Variants in PRKCE observed in about 807,000 individuals in gnomAD.
The protein encoded by PRKCE is protein kinase C epsilon.
Under a neutral mutation model 85.4 loss-of-function variants are expected in PRKCE, and 16 were observed. That is an observed-to-expected ratio of 0.19 (90% CI 0.13 to 0.28). The LOEUF (loss-of-function observed/expected upper bound fraction) is 0.28, where lower values mean the gene tolerates loss of function less well. Ranked by LOEUF, PRKCE falls within the 10% of genes least tolerant of loss-of-function variation. The pLI is 1.00. For synonymous variants in PRKCE, 388 were observed against 371.5 expected, an observed-to-expected ratio of 1.04 and a Z score of -0.51; for missense variants, 573 against 975.2, an observed-to-expected ratio of 0.59 and a Z score of 5.49.
intron 2 of PRKCE, among the ~76,000 whole-genome samples, chr2:45,933,101 C>T (rs1454130609): frequency 6.6e-6 from 1 of 152,190 alleles, no homozygotes; most frequent in African/African-American, 2.4e-5. Context: ...TTTATATGTG[C>T]ATCATCTATT....
intron 1 of PRKCE, among the ~76,000 whole-genome samples, chr2:45,719,670 A>G (rs1680447362): frequency 6.6e-6 from 1 of 152,214 alleles, no homozygotes; most frequent in African/African-American, 2.4e-5. Context: ...TAAAACACAC[A>G]TGGCATTTGG....
At chr2:45,810,168 G>T (rs959400962) in intron 1 of PRKCE, among the ~76,000 whole-genome samples, 5 of 151,944 alleles carry the variant, frequency 3.3e-5, no homozygotes, top group Non-Finnish European at 7.4e-5. Context: ...AGCCTCCTGA[G>T]TAGCTGGGAT....
intron 1 of PRKCE, among the ~76,000 whole-genome samples, chr2:45,836,461 T>A (rs7605584): frequency 1.3e-5 from 2 of 152,044 alleles, no homozygotes; most frequent in Non-Finnish European, 2.9e-5. Context: ...ACCCCGCAGC[T>A]GCTGCTGAGT....
At chr2:45,662,042 G>A (rs1166312520) in intron 1 of PRKCE, among the ~76,000 whole-genome samples, 1 of 151,980 alleles carries the variant, frequency 6.6e-6, no homozygotes, top group Non-Finnish European at 1.5e-5. Context: ...TTAGCTCTCT[G>A]GGATCTGTCT....
chr2:46,080,115 C>T (rs1400128081), intron 10 of PRKCE, among the ~76,000 whole-genome samples: 7 of 152,132 alleles, frequency 4.6e-5, no homozygotes, highest in Admixed American at 6.5e-5. Context: ...TTGTTTTCTA[C>T]CCATGCCAAG....
intron 4 of PRKCE, 148 bp downstream of exon 4, chr2:45,979,158 C>T (rs1231430187): frequency 1.2e-6 from 1 of 801,774 alleles, no homozygotes; most frequent in Non-Finnish European, 2.0e-6. Flanking sequence ...ACCATTACTT[C>T]TGCATATATG....
chr2:45,902,440 G>A (rs1015829141), intron 2 of PRKCE, among the ~76,000 whole-genome samples: 1 of 152,316 alleles, frequency 6.6e-6, no homozygotes. Context: ...GTAGCTCCAA[G>A]TCTGCCTGAG....
intron 2 of PRKCE, among the ~76,000 whole-genome samples, chr2:45,914,606 C>A (rs1697624151): frequency 6.6e-6 from 1 of 152,198 alleles, no homozygotes; most frequent in Admixed American, 6.5e-5. Flanking sequence ...TTCCTAGGTT[C>A]CTCTTCCTCT....
chr2:45,725,993 ATG>A (rs1337342007), intron 1 of PRKCE, among the ~76,000 whole-genome samples: 4 of 152,166 alleles, frequency 2.6e-5, no homozygotes, highest in African/African-American at 9.7e-5. Context: ...GTCACTGCAG[ATG>A]TGGTAGAAAT....
chr2:45,705,280 C>A (rs1235197533), intron 1 of PRKCE, among the ~76,000 whole-genome samples: 18 of 152,234 alleles, frequency 1.2e-4, no homozygotes. Flanking sequence ...TGGGGAGAAG[C>A]AGCAGGCTTT....
chr2:46,058,524 G>A (rs72876185), intron 10 of PRKCE, among the ~76,000 whole-genome samples: 6,499 of 152,300 alleles, frequency 0.043, 367 homozygotes, highest in African/African-American at 0.13. Context: ...AGTGGAGAAG[G>A]GGAGATGAGA....
At chr2:46,022,196 C>G (rs1487219189) in intron 10 of PRKCE, among the ~76,000 whole-genome samples, 1 of 152,174 alleles carries the variant, frequency 6.6e-6, no homozygotes, top group East Asian at 1.9e-4. Flanking sequence ...ACTTCTGCCA[C>G]TGATGCTTGC....
chr2:45,836,072 A>G (rs1351033154), intron 1 of PRKCE, among the ~76,000 whole-genome samples: 1 of 152,234 alleles, frequency 6.6e-6, no homozygotes, highest in African/African-American at 2.4e-5. Flanking sequence ...TCCACAACTC[A>G]GCGTACAGAT....
chr2:46,055,671 T>A (rs1206850514), intron 10 of PRKCE, among the ~76,000 whole-genome samples: 2 of 152,184 alleles, frequency 1.3e-5, no homozygotes, highest in Non-Finnish European at 2.9e-5. Flanking sequence ...GTCTAATTTT[T>A]TTTTTTTGAG....
intron 2 of PRKCE, among the ~76,000 whole-genome samples, chr2:45,975,393 A>G (rs978618541): frequency 2.6e-5 from 4 of 152,208 alleles, no homozygotes; most frequent in African/African-American, 9.6e-5. Context: ...GAAGGTGGAC[A>G]TCCAAGATCA....
chr2:45,963,871 A>T (rs180698034), intron 2 of PRKCE, among the ~76,000 whole-genome samples: 1 of 152,240 alleles, frequency 6.6e-6, no homozygotes, highest in African/African-American at 2.4e-5. Flanking sequence ...AGTTTGAGGA[A>T]CTAAAAAGTT....
chr2:45,724,540 G>C (rs745969257), intron 1 of PRKCE, among the ~76,000 whole-genome samples: 5 of 152,232 alleles, frequency 3.3e-5, no homozygotes, highest in Middle Eastern at 3.2e-3. Context: ...AGTGAGGAAG[G>C]CATGTTGAAA....
At chr2:45,770,107 C>G (rs951090482) in intron 1 of PRKCE, among the ~76,000 whole-genome samples, 1 of 152,222 alleles carries the variant, frequency 6.6e-6, no homozygotes, top group African/African-American at 2.4e-5. Flanking sequence ...TATCCCCTCT[C>G]TTGGGTGGCT....
chr2:45,933,098 G>T (rs977176389), intron 2 of PRKCE, among the ~76,000 whole-genome samples: 1 of 152,052 alleles, frequency 6.6e-6, no homozygotes, highest in African/African-American at 2.4e-5. Flanking sequence ...CTTTTTATAT[G>T]TGCATCATCT....
Sources: gnomAD v4.1 joint callset for allele counts (sites outside exome capture counted in the v4.1 genomes callset) on GRCh38, gnomAD v4.1.1 for gene constraint, MANE v1.5 for transcripts, NCBI Gene and HGNC (gene_info 2026-07-23, HGNC 2026-07-21) for gene names.